Variants in RECQL5 observed in about 807,000 individuals in gnomAD.
RECQL5 encodes the protein ATP-dependent DNA helicase Q5.
RECQL5 carries 88 observed loss-of-function variants against 103.4 expected under a neutral mutation model. The observed-to-expected ratio is 0.85, with a 90% CI of 0.72 to 1.02. The LOEUF is 1.02. RECQL5 is among the 50% of genes least tolerant of loss of function. The pLI is 0.00. For missense variants in RECQL5, 1,232 were observed against 1,284.3 expected, an observed-to-expected ratio of 0.96 and a Z score of 0.62; for synonymous variants, 552 against 507.9, an observed-to-expected ratio of 1.09 and a Z score of -1.17.
chr17:75,642,479 C>G (rs974938117), intron 8 of RECQL5, among the ~76,000 whole-genome samples: 9 of 152,240 alleles, frequency 5.9e-5, no homozygotes, highest in African/African-American at 2.2e-4. Flanking sequence ...AGCTCTCACC[C>G]TCTGGTTTCA....
chr17:75,646,972 A>G (rs2059496074), intron 8 of RECQL5, among the ~76,000 whole-genome samples: 1 of 152,158 alleles, frequency 6.6e-6, no homozygotes, highest in Admixed American at 6.5e-5. Flanking sequence ...ATGCCTCCCA[A>G]ATGTTTGGCA....
At chr17:75,665,689 CAAAAAAAAAAAA>C (rs1184942786) in intron 2 of RECQL5, among the ~76,000 whole-genome samples, 1 of 63,400 alleles carries the variant, frequency 1.6e-5, no homozygotes, top group African/African-American at 6.1e-5. Context: ...GACTCTGTTT[CAAAAAAAAAAAA>C]AAAAAAAAAG....
At position 75,662,980 on chromosome 17, in the gene RECQL5, C is replaced by G. The variant is rs779667518; in HGVS notation, c.270G>C (p.Leu90Phe). 1 of 1,605,030 alleles carries G rather than the reference C, an allele frequency of 6.2e-7. No homozygotes were observed. Among genetic ancestry groups the G allele is most frequent in the Non-Finnish European group, 8.5e-7 (1 of 1,175,160 alleles). ...AACTTACTCGTACCTTTAGGGTTAG[C>G]AAGTGGTCCACTTGGTCCTAAGAGA... is the stretch of plus-strand genomic sequence containing the variant. ...IALIQDQVDH[L>F]LTLKVRVSSL... The change falls in exon 4 of 20, where the codon TTG becomes TTC. Residue 90 changes from leucine (L) to phenylalanine (F), a missense_variant. By Grantham distance (22) the Leu-to-Phe change is conservative. Coordinates refer to ENST00000317905, the MANE Select transcript of RECQL5 (RefSeq NM_004259.7).
intron 18 of RECQL5, 123 bp from the exon 19 acceptor site, chr17:75,627,815 C>T (rs546290349): frequency 2.3e-5 from 18 of 785,946 alleles, no homozygotes; most frequent in South Asian, 2.0e-4. Context: ...GTCAGGAGAT[C>T]GAGACCATCC....
chr17:75,633,763 C>G (rs919921175), intron 8 of RECQL5: 1 of 1,026,150 alleles, frequency 9.7e-7, no homozygotes, highest in African/African-American at 1.7e-5. Flanking sequence ...CCTCCACAGG[C>G]TCAGGTGGAG....
chr17:75,631,116 G>C, intron 10 of RECQL5, 34 bp downstream of exon 10: 1 of 1,611,840 alleles, frequency 6.2e-7, no homozygotes, highest in Non-Finnish European at 8.5e-7. Flanking sequence ...GGCCACCAGG[G>C]GCCCCACACA....
Position 75,628,676 on chromosome 17 carries a change from TGGGATCGAG to T in RECQL5, c.2567_2575del (p.Pro856_Ser858del). The T allele has an allele frequency of 6.3e-7, 1 of 1,586,070 alleles. No homozygotes were observed. Among genetic ancestry groups the T allele is most frequent in the South Asian group, 1.1e-5 (1 of 87,024 alleles). On this transcript the variant is annotated inframe_deletion, in exon 17 of 20. Transcript: ENST00000317905. The stretch of plus-strand genomic sequence containing the variant: ...CAGACTCATCCCTGCCGGCACCTGC[TGGGATCGAG>T]GCCGCTTGCCCTTCCATGTGTCCTT...
At position 75,630,843 on chromosome 17, in the gene RECQL5, G is replaced by GGA. The variant is rs1555706005; in HGVS notation, c.1586-7_1586-6insTC. 7.6e-7 allele frequency: 1 copy of GGA among 1,311,064 alleles called. No individual in the cohort carries two copies. The highest frequency in any genetic ancestry group is 1.8e-5 in the African/African-American group (1 of 55,260). 81.2% of individuals were successfully genotyped at this position (1,311,064 alleles called of 1,614,324 possible). ...TTTCAGGGGACAGTTCTCATCTGTG[G>GGA]GGGGGGGGGGTGGTCCTTGGTCCTT... On this transcript the variant is annotated splice_region_variant and splice_polypyrimidine_tract_variant and intron_variant, in intron 11 of 19. Transcript: ENST00000317905.
chr17:75,630,107 G>A (rs2059178611), intron 14 of RECQL5, 77 bp downstream of exon 14: 4 of 1,293,872 alleles, frequency 3.1e-6, no homozygotes, highest in South Asian at 1.5e-5. Flanking sequence ...TGAGCCCAGA[G>A]AGCTGGCAGA....
At chr17:75,658,743 GA>G (rs893859124) in intron 6 of RECQL5, among the ~76,000 whole-genome samples, 3 of 152,162 alleles carry the variant, frequency 2.0e-5, no homozygotes, top group African/African-American at 7.2e-5. Context: ...TGGACCTAAA[GA>G]AACAAAATGA....
rs1568270170 is a variant in RECQL5, at chr17:75,640,826, T to A, written c.1230-9158A>T. 1.3e-6 allele frequency: 2 copies of A among 1,548,820 alleles called. No individual in the cohort carries two copies. The highest frequency in any genetic ancestry group is 2.4e-5 in the South Asian group (2 of 84,024). On this transcript the variant is annotated intron_variant, in intron 8 of 19. Transcript: ENST00000317905. The surrounding 1 kb of genome is among the most constrained non-coding windows in gnomAD (Gnocchi z 4.6). Reference sequence around the variant, plus strand: ...GCTGTTGCTGCTGATAGCCTGCAGCTGCTGCTGCACTCACTGCTGCTGCCC... The same window carrying A: ...GCTGTTGCTGCTGATAGCCTGCAGCAGCTGCTGCACTCACTGCTGCTGCCC...
At chr17:75,633,373 T>C in intron 8 of RECQL5, 1 of 1,206,608 alleles carries the variant, frequency 8.3e-7, no homozygotes, top group Non-Finnish European at 1.1e-6. Context: ...CAGGCAAATG[T>C]CACAGGGCCC....
chr17:75,635,081 C>A (rs2059293674), intron 8 of RECQL5, among the ~76,000 whole-genome samples: 4 of 152,338 alleles, frequency 2.6e-5, no homozygotes, highest in South Asian at 2.1e-4. Context: ...CACCACCCCC[C>A]ATATGTTTTC....
rs554570901 is a variant in RECQL5 at position 75,664,769 on chromosome 17, C to T, written c.252+282G>A. Among the ~76,000 whole-genome samples the T allele has an allele frequency of 2.1e-3, 313 of 151,784 alleles. 3 individuals carry two copies. The highest frequency in any genetic ancestry group is 7.3e-3 in the African/African-American group (301 of 41,396). ...CTCTACTAAAAATACAAAAATTAGC[C>T]GGGTATGGTGGCATACACCTGTAAT... On this transcript the variant is annotated intron_variant, in intron 3 of 19. Transcript: ENST00000317905.
chr17:75,627,635 G>A lies in RECQL5; in HGVS notation c.2863C>T (p.Pro955Ser). 1 of 1,612,934 alleles carries A rather than the reference G, an allele frequency of 6.2e-7. No individual in the cohort carries two copies. The highest frequency in any genetic ancestry group is 8.5e-7 in the Non-Finnish European group (1 of 1,179,512). ...TGCCAGCGCTCACCGCTCCTTCCAG[G>A]AGAGGTCTTCTGAGTCAGCAAGTGT... ...LSHLLTQKTS[P>S]GRSVKEEAQN... is the part of the protein sequence containing the mutation. Residue 955 changes from proline (P) to serine (S), a missense_variant, in exon 19 of 20, where the codon CCT (proline) becomes TCT (serine). Physicochemically the swap from Pro to Ser is moderately conservative, Grantham distance 74. Transcript: ENST00000317905.
chr17:75,630,505 A>G, intron 13 of RECQL5, 114 bp downstream of exon 13: 1 of 1,144,778 alleles, frequency 8.7e-7, no homozygotes, highest in South Asian at 1.3e-5. Context: ...CTGGAGTAGG[A>G]GAGGTACAAT....
chr17:75,648,644 T>C (rs1357572169), intron 8 of RECQL5, among the ~76,000 whole-genome samples: 1 of 150,944 alleles, frequency 6.6e-6, no homozygotes, highest in African/African-American at 2.4e-5. Flanking sequence ...AGTGCTAGGA[T>C]TACACGCATG....
At chr17:75,630,079 G>T in intron 14 of RECQL5, 105 bp downstream of exon 14, 2 of 1,050,660 alleles carry the variant, frequency 1.9e-6, no homozygotes, top group Non-Finnish European at 2.7e-6. Flanking sequence ...GGCTGGGGAG[G>T]GTGAGTTCTG....
chr17:75,646,805 TC>T (rs1327545064), intron 8 of RECQL5: 1 of 152,906 alleles, frequency 6.5e-6, no homozygotes, highest in Non-Finnish European at 1.5e-5. Flanking sequence ...TCCCTCCTTC[TC>T]CACCTGGGCT....
Sources: gnomAD v4.1 joint callset for allele counts (sites outside exome capture counted in the v4.1 genomes callset) on GRCh38, gnomAD v4.1.1 for gene constraint, Gnocchi (gnomAD v3.1) non-coding constraint, MANE v1.5 for transcripts, NCBI Gene and HGNC (gene_info 2026-07-23, HGNC 2026-07-21) for gene names.